The following RAP1GAP2 variants were observed in gnomAD, a reference collection of about 807,000 sequenced individuals.
RAP1GAP2 encodes rap1 GTPase-activating protein 2.
A neutral mutation model predicts 95.0 loss-of-function variants in RAP1GAP2; 27 were observed. The observed-to-expected ratio is 0.28, with a 90% confidence interval of 0.21 to 0.39. The LOEUF is 0.39. RAP1GAP2 is among the 10% of genes least tolerant of loss of function. The pLI is 1.00. For synonymous variants in RAP1GAP2, 373 were observed against 380.9 expected (o/e 0.98, Z 0.24); for missense variants, 771 against 970.0 (o/e 0.79, Z 2.72).
Position 2,797,667 on chromosome 17 carries a change from G to C in RAP1GAP2, c.44+1096G>C, listed in dbSNP as rs1481764480. ...ATCCATCCTCTGGCAGGGGGGGACT[G>C]TGGGCACTCCATGTTTGGCAGATGG... On this transcript the variant is annotated intron_variant, in intron 1 of 24. Transcript: ENST00000254695. This position sits in a 1 kb window ranked among gnomAD's most constrained non-coding sequence, Gnocchi z 5.6. 1.0e-6 allele frequency: 1 copy of C among 984,310 alleles called. No homozygotes were observed. The highest frequency in any genetic ancestry group is 1.2e-6 in the Non-Finnish European group (1 of 829,070). The allele number at this position is 984,310 out of a possible 1,614,324, so 61.0% of individuals were successfully genotyped here.
rs1354211604 is a variant in RAP1GAP2, at chr17:2,988,007, G to C, written c.813+2941G>C. Among the ~76,000 whole-genome samples, 3 of 152,162 alleles carry C rather than the reference G, an allele frequency of 2.0e-5. No individual in the cohort carries two copies. In the East Asian group the frequency reaches 5.8e-4, roughly 29 times the overall value. On this transcript the variant is annotated intron_variant, in intron 11 of 24. Coordinates refer to ENST00000254695, the MANE Select transcript of RAP1GAP2 (RefSeq NM_015085.5). ...GCCTGTTGATCAGGCAGTGTTTGAA[G>C]GCTGTTACTGTTTGCAGAGCTTGCT...
intron 16 of RAP1GAP2, among the ~76,000 whole-genome samples, chr17:3,006,323 T>C (rs2046333748): frequency 6.6e-6 from 1 of 150,792 alleles, no homozygotes; most frequent in South Asian, 2.1e-4. Flanking sequence ...GAGACAGGGT[T>C]TCCTCCATGT....
At chr17:3,032,826 G>A (rs757176461) in intron 24 of RAP1GAP2, among the ~76,000 whole-genome samples, 8 of 152,238 alleles carry the variant, frequency 5.3e-5, no homozygotes, top group African/African-American at 9.6e-5. Flanking sequence ...TGTCTTTGGC[G>A]GAGGCCCTGG....
intron 3 of RAP1GAP2, among the ~76,000 whole-genome samples, chr17:2,919,004 A>T (rs545221949): frequency 6.6e-6 from 1 of 152,188 alleles, no homozygotes; most frequent in Non-Finnish European, 1.5e-5. Context: ...TCTAGGGGGA[A>T]GTACACCAGG....
At position 2,861,544 on chromosome 17, in the gene RAP1GAP2, T is replaced by A. The variant is rs146052488; in HGVS notation, c.81-43740T>A. Among the ~76,000 whole-genome samples the A allele has an allele frequency of 7.7e-3, 1,154 of 150,610 alleles. 22 individuals are homozygous for A. The highest frequency in any genetic ancestry group is 0.027 in the African/African-American group (1,104 of 40,952). The stretch of plus-strand genomic sequence containing the variant: ...GTGCAATGGCGTGATCTGGGTTCAC[T>A]GCAACCTCTGCCTTCCAGGTTCAAG... On this transcript the variant is annotated intron_variant, in intron 2 of 24. Coordinates refer to ENST00000254695, the MANE Select transcript of RAP1GAP2 (RefSeq NM_015085.5).
In RAP1GAP2 at chr17:3,033,700, G is replaced by T. The variant is rs915384655; in HGVS notation, c.*339G>T. ...AAAGTGTCGGGCAAAGGGGGATCTG[G>T]GGGGAGCTCAGCAGTGACTGGGGAG... On this transcript the variant is annotated 3_prime_UTR_variant, in exon 25 of 25. Transcript: ENST00000254695. The surrounding 1 kb of genome is among the most constrained non-coding windows in gnomAD (Gnocchi z 4.9). 1.3e-5 allele frequency: 2 copies of T among 152,720 alleles called. No homozygotes were observed. Among genetic ancestry groups the T allele is most frequent in the Non-Finnish European group, 2.9e-5 (2 of 68,410 alleles). The allele number at this position is 152,720 out of a possible 1,614,324, so 9.5% of individuals were successfully genotyped here.
intron 3 of RAP1GAP2, among the ~76,000 whole-genome samples, chr17:2,929,127 G>A (rs889921964): frequency 3.0e-4 from 45 of 152,180 alleles, no homozygotes; most frequent in African/African-American, 9.9e-4. Context: ...CAACTACTTG[G>A]GAGGCTGAGG....
intron 11 of RAP1GAP2, among the ~76,000 whole-genome samples, chr17:2,986,487 T>G (rs1277483667): frequency 6.6e-6 from 1 of 152,146 alleles, no homozygotes; most frequent in African/African-American, 2.4e-5. Context: ...AGAGGGAGTC[T>G]GTGTATTGTT....
Position 3,037,507 on chromosome 17 carries a change from T to C in RAP1GAP2, c.*4146T>C, listed in dbSNP as rs1230745276. 6.6e-6 allele frequency: 1 copy of C among 152,328 alleles called. No individual in the cohort carries two copies. Among genetic ancestry groups the C allele is most frequent in the Non-Finnish European group, 1.5e-5 (1 of 67,984 alleles). 9.4% of individuals were successfully genotyped at this position (152,328 alleles called of 1,614,324 possible). A position where few individuals can be genotyped will look rare whatever the true frequency, so the allele number is the denominator to read the frequency against. On this transcript the variant is annotated 3_prime_UTR_variant, in exon 25 of 25. Transcript: ENST00000254695. ...TGTGGTCGAACCTAAGAACTGTGGC[T>C]TGGAAGTGATGCTCCATGTGACGAC...
At chr17:2,901,040 G>C (rs138492758) in intron 2 of RAP1GAP2, among the ~76,000 whole-genome samples, 18 of 152,350 alleles carry the variant, frequency 1.2e-4, no homozygotes, top group African/African-American at 4.1e-4. Flanking sequence ...GTCTAGCTCC[G>C]TCTGGGTGAA....
At chr17:2,770,468 C>T (rs754110637) in intron 2 of RAP1GAP2, 2 of 398,640 alleles carry the variant, frequency 5.0e-6, no homozygotes, top group Non-Finnish European at 4.4e-6. Flanking sequence ...TCTGCCTTGA[C>T]CCTCACATTC....
intron 3 of RAP1GAP2, among the ~76,000 whole-genome samples, chr17:2,956,850 T>C (rs537263218): frequency 1.3e-5 from 2 of 152,256 alleles, no homozygotes; most frequent in East Asian, 1.9e-4. Flanking sequence ...CCATCTAGGC[T>C]GGGCGTGGTA....
At chr17:3,001,906 C>T (rs2046172592) in intron 14 of RAP1GAP2, among the ~76,000 whole-genome samples, 2 of 152,014 alleles carry the variant, frequency 1.3e-5, no homozygotes, top group South Asian at 4.2e-4. Context: ...AATCAGAGAT[C>T]CAAAAAAGCG....
chr17:2,958,615 C>G (rs1388048775), intron 4 of RAP1GAP2, among the ~76,000 whole-genome samples: 1 of 151,950 alleles, frequency 6.6e-6, no homozygotes, highest in African/African-American at 2.4e-5. Flanking sequence ...GTGAGAAAAT[C>G]GAGGCACAGA....
intron 3 of RAP1GAP2, among the ~76,000 whole-genome samples, chr17:2,956,270 A>G (rs1417324307): frequency 6.6e-6 from 1 of 152,166 alleles, no homozygotes; most frequent in East Asian, 1.9e-4. Context: ...CTGTACATTC[A>G]CACGTGGGGT....
At chr17:2,868,044 A>G (rs2072686900) in intron 2 of RAP1GAP2, among the ~76,000 whole-genome samples, 1 of 152,174 alleles carries the variant, frequency 6.6e-6, no homozygotes, top group East Asian at 1.9e-4. Flanking sequence ...GTCTGAGAGG[A>G]CAGCCTGGCT....
chr17:2,777,874 T>C (rs2068539675), intron 1 of RAP1GAP2, among the ~76,000 whole-genome samples: 1 of 152,122 alleles, frequency 6.6e-6, no homozygotes, highest in Non-Finnish European at 1.5e-5. Context: ...ACGCCTCAGT[T>C]TCCCATGGCG....
At chr17:2,852,247 T>TG (rs1242976840) in intron 2 of RAP1GAP2, among the ~76,000 whole-genome samples, 1 of 151,130 alleles carries the variant, frequency 6.6e-6, no homozygotes, top group Admixed American at 6.6e-5. Flanking sequence ...ATCTCAGGAG[T>TG]GGGGCCCGGG....
At chr17:2,757,502 C>T (rs1380499791) in intron 1 of RAP1GAP2, among the ~76,000 whole-genome samples, 2 of 152,096 alleles carry the variant, frequency 1.3e-5, no homozygotes, top group African/African-American at 2.4e-5. Context: ...AGCATTCCAT[C>T]GCCCGACCAC....
Sources: allele counts gnomAD v4.1 joint callset (sites outside exome capture counted in the v4.1 genomes callset), GRCh38; gene constraint gnomAD v4.1.1; non-coding constraint Gnocchi (gnomAD v3.1); transcripts MANE v1.5; gene names NCBI Gene and HGNC (gene_info 2026-07-23, HGNC 2026-07-21).